Variants in CENPP observed in about 807,000 individuals in gnomAD.
CENPP encodes centromere protein P.
Under a neutral mutation model 35.6 loss-of-function variants are expected in CENPP, and 24 were observed. The observed-to-expected ratio is 0.67, with a 90% CI of 0.49 to 0.95. The LOEUF is 0.95. Among genes scored for constraint, CENPP ranks in the 40% least tolerant of loss-of-function variants. The pLI is 0.00. For synonymous variants in CENPP, 120 were observed against 125.5 expected, an observed-to-expected ratio of 0.96 and a Z score of 0.29; for missense variants, 332 against 345.3, an observed-to-expected ratio of 0.96 and a Z score of 0.31.
At chr9:92,611,029 G>A in intron 5 of CENPP, 1 of 500,090 alleles carries the variant, frequency 2.0e-6, no homozygotes, top group Non-Finnish European at 3.6e-6. Context: ...AGATGGAAAG[G>A]GTGTGGGGAA....
chr9:92,425,087 TTA>T (rs1843928028), intron 5 of CENPP, among the ~76,000 whole-genome samples: 1 of 152,244 alleles, frequency 6.6e-6, no homozygotes, highest in African/African-American at 2.4e-5. Context: ...TTCGCATTGT[TTA>T]TTTTTAAAAT....
At chr9:92,607,744 G>T (rs1489714185) in intron 5 of CENPP, among the ~76,000 whole-genome samples, 1 of 152,132 alleles carries the variant, frequency 6.6e-6, no homozygotes, top group African/African-American at 2.4e-5. Context: ...CTTTGGTATT[G>T]CACTGAAATA....
intron 5 of CENPP, among the ~76,000 whole-genome samples, chr9:92,497,858 A>G (rs1373413390): frequency 5.7e-5 from 8 of 139,374 alleles, no homozygotes; most frequent in Non-Finnish European, 9.1e-5. Context: ...ATTAATTCCC[A>G]TAAGAGCTGG....
intron 5 of CENPP, among the ~76,000 whole-genome samples, chr9:92,390,578 G>T (rs933015718): frequency 2.0e-5 from 3 of 151,184 alleles, no homozygotes; most frequent in African/African-American, 7.3e-5. Context: ...GTGTGTGTGT[G>T]TGTGTGTGTG....
chr9:92,330,501 A>C (rs1840706324), intron 1 of CENPP, among the ~76,000 whole-genome samples: 1 of 152,118 alleles, frequency 6.6e-6, no homozygotes, highest in Non-Finnish European at 1.5e-5. Flanking sequence ...GCAAATGAGA[A>C]TTGGGATAAT....
At chr9:92,336,555 C>T (rs2130786626) in intron 2 of CENPP, among the ~76,000 whole-genome samples, 1 of 152,244 alleles carries the variant, frequency 6.6e-6, no homozygotes, top group South Asian at 2.1e-4. Context: ...TCTGATTGCT[C>T]TTATCTTCCC....
chr9:92,341,062 C>A (rs182333744), intron 3 of CENPP, among the ~76,000 whole-genome samples: 96 of 152,202 alleles, frequency 6.3e-4, no homozygotes, highest in African/African-American at 2.2e-3. Flanking sequence ...TATAAACAGC[C>A]CCCCCAGGGG....
chr9:92,411,824 T>A lies in CENPP; in HGVS notation c.564+31965T>A, dbSNP rs571693457. Among the ~76,000 whole-genome samples, 60 of 152,300 alleles carry A rather than the reference T, an allele frequency of 3.9e-4. No homozygotes were observed. In the South Asian group the frequency reaches 0.012, roughly 30 times the overall value. ...TGTTCTCTCTACTTTTGCCAGTCAG[T>A]TCCTGCCACACATTAACTTTTTCCT... On this transcript the variant is annotated intron_variant, in intron 5 of 7. Transcript: ENST00000375587.
chr9:92,386,828 C>T (rs950759880), intron 5 of CENPP, among the ~76,000 whole-genome samples: 4 of 151,820 alleles, frequency 2.6e-5, no homozygotes, highest in Admixed American at 2.6e-4. Flanking sequence ...GTGATCTGCC[C>T]GCCTCAGCCT....
chr9:92,604,188 T>A (rs1851008237), intron 5 of CENPP, among the ~76,000 whole-genome samples: 8 of 152,254 alleles, frequency 5.3e-5, no homozygotes, highest in Admixed American at 5.2e-4. Context: ...TTGTTCCACA[T>A]CTTCACCAGA....
At chr9:92,389,931 G>C in intron 5 of CENPP, 1 of 1,613,238 alleles carries the variant, frequency 6.2e-7, no homozygotes, top group South Asian at 1.1e-5. Context: ...TTGGGAGGAA[G>C]AACTGGAAGT....
intron 5 of CENPP, chr9:92,385,374 T>C (rs1842377633): frequency 8.0e-6 from 3 of 374,716 alleles, no homozygotes; most frequent in Non-Finnish European, 9.5e-6. Context: ...AATGGTAGTC[T>C]AGTATAAACT....
chr9:92,408,552 A>G (rs1180095388), intron 5 of CENPP, among the ~76,000 whole-genome samples: 1 of 152,034 alleles, frequency 6.6e-6, no homozygotes, highest in Non-Finnish European at 1.5e-5. Context: ...TTTGGGCCAC[A>G]GTTTTTTTAT....
intron 5 of CENPP, among the ~76,000 whole-genome samples, chr9:92,389,084 T>C (rs1422072991): frequency 6.6e-6 from 1 of 152,152 alleles, no homozygotes; most frequent in Admixed American, 6.5e-5. Context: ...TAATGAATAT[T>C]TGATAGTTTC....
chr9:92,545,008 G>A (rs1849401402), intron 5 of CENPP, among the ~76,000 whole-genome samples: 1 of 152,204 alleles, frequency 6.6e-6, no homozygotes, highest in Non-Finnish European at 1.5e-5. Context: ...ACCGGTGTGA[G>A]CAACCACGCC....
chr9:92,533,814 T>G (rs1201017796), intron 5 of CENPP, among the ~76,000 whole-genome samples: 1 of 152,182 alleles, frequency 6.6e-6, no homozygotes, highest in Non-Finnish European at 1.5e-5. Flanking sequence ...TTTAATACCT[T>G]ATAGATATTT....
At chr9:92,594,838 T>C (rs984446058) in intron 5 of CENPP, among the ~76,000 whole-genome samples, 2 of 151,886 alleles carry the variant, frequency 1.3e-5, no homozygotes, top group Non-Finnish European at 2.9e-5. Flanking sequence ...TTTTCATTTA[T>C]GTAAGTTATT....
At chr9:92,347,600 T>G (rs1339621965) in intron 4 of CENPP, among the ~76,000 whole-genome samples, 3 of 152,226 alleles carry the variant, frequency 2.0e-5, no homozygotes, top group African/African-American at 7.2e-5. Context: ...TTATTTTTAG[T>G]TTTTCATTAT....
intron 5 of CENPP, among the ~76,000 whole-genome samples, chr9:92,604,843 C>T (rs1215242787): frequency 6.6e-6 from 1 of 152,158 alleles, no homozygotes; most frequent in African/African-American, 2.4e-5. Context: ...ATCCACCCAC[C>T]TCAGCCTACC....
Sources: allele counts gnomAD v4.1 joint callset (sites outside exome capture counted in the v4.1 genomes callset), GRCh38; gene constraint gnomAD v4.1.1; transcripts MANE v1.5; gene names NCBI Gene and HGNC (gene_info 2026-07-23, HGNC 2026-07-21).